The following CALCRL variants were observed in gnomAD, a reference collection of about 807,000 sequenced individuals.
CALCRL encodes the protein calcitonin gene-related peptide type 1 receptor.
In CALCRL, 27 loss-of-function variants were observed where a neutral mutation model predicts 60.4. The observed-to-expected ratio is 0.45, with a 90% CI of 0.33 to 0.62. The LOEUF (loss-of-function observed/expected upper bound fraction) is 0.62, where lower values mean the gene tolerates loss of function less well. Among genes scored for constraint, CALCRL ranks in the 20% least tolerant of loss-of-function variants. CALCRL has a pLI of 0.03. For synonymous variants in CALCRL, 190 were observed against 182.6 expected, an observed-to-expected ratio of 1.04 and a Z score of -0.33; for missense variants, 424 against 540.7, an observed-to-expected ratio of 0.78 and a Z score of 2.14.
At chr2:187,394,053 T>A (rs907261268) in intron 1 of CALCRL, among the ~76,000 whole-genome samples, 31 of 152,086 alleles carry the variant, frequency 2.0e-4, no homozygotes, top group Middle Eastern at 3.4e-3. Flanking sequence ...TTGCAAATAA[T>A]AAATTGAGCT....
At chr2:187,417,073 C>A (rs533591104) in intron 1 of CALCRL, among the ~76,000 whole-genome samples, 1 of 152,022 alleles carries the variant, frequency 6.6e-6, no homozygotes, top group Non-Finnish European at 1.5e-5. Flanking sequence ...GTGAAGCTCT[C>A]TTACTGGAAT....
intron 1 of CALCRL, among the ~76,000 whole-genome samples, chr2:187,400,096 ATGCTT>A (rs1688823857): frequency 1.3e-5 from 2 of 151,684 alleles, no homozygotes; most frequent in South Asian, 2.1e-4. Context: ...AAGATTTTGA[ATGCTT>A]TGAACACAAA....
rs1452184894 is a variant in CALCRL at position 187,346,252 on chromosome 2, G to T, written c.1318C>A (p.His440Asn). 2 of 1,611,980 alleles carry T rather than the reference G, an allele frequency of 1.2e-6. No homozygotes were observed. The highest frequency in any genetic ancestry group is 1.3e-5 in the African/African-American group (1 of 74,748). Reference protein sequence around the residue: ...PGYSHDCPSEHLNGKSIHDIE... With the variant: ...PGYSHDCPSENLNGKSIHDIE... ...TCATGGATGCTTTTTCCATTTAAGTGTTCACTAGGACAGTCATGACTATAA... is the reference window on the plus strand; with the variant it reads ...TCATGGATGCTTTTTCCATTTAAGTTTTCACTAGGACAGTCATGACTATAA... The change falls in exon 15 of 15, where the codon CAC (histidine) becomes AAC (asparagine). Residue 440 changes from histidine (H) to asparagine (N), a missense_variant. This residue lies in a region of CALCRL where 222 missense variants were observed against 265.6 expected (regional missense o/e 0.84). Transcript: ENST00000392370.
At chr2:187,356,644 A>C (rs1034334859) in intron 12 of CALCRL, among the ~76,000 whole-genome samples, 2 of 152,224 alleles carry the variant, frequency 1.3e-5, no homozygotes, top group African/African-American at 4.8e-5. Context: ...ACAAAAGCCA[A>C]AATTGACAAA....
chr2:187,380,926 T>C, intron 5 of CALCRL, 139 bp from the exon 6 acceptor site: 1 of 437,320 alleles, frequency 2.3e-6, no homozygotes, highest in Non-Finnish European at 4.1e-6. Flanking sequence ...AATCTATATA[T>C]AGAAATTATT....
At chr2:187,416,258 TG>T (rs558903193) in intron 1 of CALCRL, among the ~76,000 whole-genome samples, 223 of 152,330 alleles carry the variant, frequency 1.5e-3, no homozygotes, top group Non-Finnish European at 2.3e-3. Context: ...AATTTACTAA[TG>T]GTAATCTAAT....
At chr2:187,398,923 G>A (rs1688767275) in intron 1 of CALCRL, among the ~76,000 whole-genome samples, 1 of 151,608 alleles carries the variant, frequency 6.6e-6, no homozygotes, top group South Asian at 2.1e-4. Context: ...CGTATTTGAA[G>A]GCAGATACAA....
intron 8 of CALCRL, among the ~76,000 whole-genome samples, chr2:187,376,398 G>A (rs1420397524): frequency 2.0e-5 from 3 of 151,972 alleles, no homozygotes; most frequent in Admixed American, 6.5e-5. Context: ...CTTGATGCCC[G>A]GATCAGTTGA....
chr2:187,391,022 T>C (rs1688419377), intron 1 of CALCRL, among the ~76,000 whole-genome samples: 1 of 152,102 alleles, frequency 6.6e-6, no homozygotes, highest in Admixed American at 6.6e-5. Flanking sequence ...CACCAAGAGG[T>C]CTCAAATTCC....
At chr2:187,440,913 A>G (rs1690877753) in intron 1 of CALCRL, among the ~76,000 whole-genome samples, 1 of 152,108 alleles carries the variant, frequency 6.6e-6, no homozygotes, top group Admixed American at 6.6e-5. Flanking sequence ...AATATTTAGG[A>G]AAATCATTAT....
chr2:187,347,826 A>G lies in CALCRL; in HGVS notation c.1171-1427T>C, dbSNP rs760200929. 2.6e-4 allele frequency among the ~76,000 whole-genome samples: 39 copies of G among 151,968 alleles called. No individual in the cohort carries two copies. In the Middle Eastern group the frequency reaches 0.01, roughly 40 times the overall value. On this transcript the variant is annotated intron_variant, in intron 14 of 14. Coordinates refer to ENST00000392370, the MANE Select transcript of CALCRL (RefSeq NM_005795.6). ...TTCATGTAGGAAAAAAGAAGGAGCA[A>G]ATATAAAGCCAACAATGTGTTTAGG...
chr2:187,379,894 A>G (rs772365848), intron 7 of CALCRL, among the ~76,000 whole-genome samples: 13 of 152,190 alleles, frequency 8.5e-5, no homozygotes, highest in Non-Finnish European at 1.5e-4. Flanking sequence ...CACAGTTGTA[A>G]TCACTGTGAT....
chr2:187,379,097 A>G (rs1687885229), intron 7 of CALCRL, 66 bp from the exon 8 acceptor site: 1 of 760,140 alleles, frequency 1.3e-6, no homozygotes, highest in African/African-American at 1.7e-5. Flanking sequence ...AATCCCACAC[A>G]TGCAGAAGTT....
At chr2:187,385,507 G>T in intron 4 of CALCRL, 38 bp downstream of exon 4, 2 of 998,090 alleles carry the variant, frequency 2.0e-6, no homozygotes, top group Non-Finnish European at 3.1e-6. Context: ...TATACTGGAA[G>T]CAATAACAGA....
At chr2:187,384,742 G>T (rs1436622768) in intron 4 of CALCRL, among the ~76,000 whole-genome samples, 13 of 152,002 alleles carry the variant, frequency 8.6e-5, no homozygotes, top group Non-Finnish European at 2.9e-5. Flanking sequence ...CATCTTTGTG[G>T]TGTTTGCTTG....
At chr2:187,436,965 G>C (rs1258083335) in intron 1 of CALCRL, among the ~76,000 whole-genome samples, 1 of 152,034 alleles carries the variant, frequency 6.6e-6, no homozygotes, top group Non-Finnish European at 1.5e-5. Flanking sequence ...TAATTACTAA[G>C]TTAATTTTGT....
rs1474568966 is a variant in CALCRL at position 187,359,258 on chromosome 2, G to C, written c.796C>G (p.Pro266Ala). 6.4e-7 allele frequency: 1 copy of C among 1,554,602 alleles called. No homozygotes were observed. Among genetic ancestry groups the C allele is most frequent in the Non-Finnish European group, 8.7e-7 (1 of 1,149,566 alleles). ...YFLGWGFPLI[P>A]ACIHAIARSL... ...CTAGCAATGGCATGTATACAAGCAG[G>C]AATCAGTGGAAATCCTGTAATAACA... is the stretch of plus-strand genomic sequence containing the variant. Residue 266 changes from proline to alanine, a missense_variant, in exon 11 of 15, where the codon CCT becomes GCT. Around this residue, in one of 7 missense-constraint regions of CALCRL, gnomAD observed 222 missense variants for 265.6 expected, o/e 0.84. Coordinates refer to ENST00000392370, the MANE Select transcript of CALCRL (RefSeq NM_005795.6).
chr2:187,373,636 C>A (rs1003562379), intron 8 of CALCRL, among the ~76,000 whole-genome samples: 1 of 152,178 alleles, frequency 6.6e-6, no homozygotes, highest in Non-Finnish European at 1.5e-5. Flanking sequence ...GAAGTGAGAA[C>A]AATGCCAATC....
chr2:187,351,581 G>A (rs1249765890), intron 14 of CALCRL, among the ~76,000 whole-genome samples: 1 of 151,868 alleles, frequency 6.6e-6, no homozygotes, highest in Non-Finnish European at 1.5e-5. Context: ...TCCTATTAGA[G>A]TGTATGTTCT....
Sources: gnomAD v4.1 joint callset for allele counts (sites outside exome capture counted in the v4.1 genomes callset) on GRCh38, gnomAD v4.1.1 for gene constraint, gnomAD v4.1.1 regional missense constraint, MANE v1.5 for transcripts, NCBI Gene and HGNC (gene_info 2026-07-23, HGNC 2026-07-21) for gene names.